Variants in FOXN3 observed in about 807,000 individuals in gnomAD.
FOXN3 encodes forkhead box N3, also known as forkhead box protein N3.
Under a neutral mutation model 38.4 loss-of-function variants are expected in FOXN3, and 7 were observed. The ratio of observed to expected loss-of-function variants is 0.18; its 90% CI spans 0.10 to 0.34. The LOEUF (loss-of-function observed/expected upper bound fraction) is 0.34, where lower values mean the gene tolerates loss of function less well. FOXN3 is among the 10% of genes least tolerant of loss of function. The pLI is 1.00. For missense variants in FOXN3, 456 were observed against 613.4 expected, an observed-to-expected ratio of 0.74 and a Z score of 2.71; for synonymous variants, 230 against 242.2, an observed-to-expected ratio of 0.95 and a Z score of 0.47.
chr14:89,385,542 T>C (rs949816803), intron 2 of FOXN3, among the ~76,000 whole-genome samples: 7 of 146,960 alleles, frequency 4.8e-5, no homozygotes, highest in Non-Finnish European at 1.0e-4. Flanking sequence ...GTGCCATGGT[T>C]CACGCCTGTA....
intron 2 of FOXN3, among the ~76,000 whole-genome samples, chr14:89,357,464 C>T (rs945927124): frequency 9.9e-5 from 15 of 152,012 alleles, no homozygotes; most frequent in African/African-American, 3.1e-4. Context: ...AAAAATTAGC[C>T]GGGCACGGTG....
At chr14:89,224,132 C>G (rs944228826) in intron 4 of FOXN3, among the ~76,000 whole-genome samples, 1 of 152,152 alleles carries the variant, frequency 6.6e-6, no homozygotes, top group African/African-American at 2.4e-5. Context: ...TAAAAGACCA[C>G]AAGGTGTAAC....
intron 4 of FOXN3, among the ~76,000 whole-genome samples, chr14:89,218,891 C>G (rs574259724): frequency 6.6e-6 from 1 of 152,202 alleles, no homozygotes; most frequent in Non-Finnish European, 1.5e-5. Context: ...ACGTAGGAAG[C>G]CTTTGTTTCT....
intron 4 of FOXN3, among the ~76,000 whole-genome samples, chr14:89,212,054 G>A (rs1884111332): frequency 6.6e-6 from 1 of 152,190 alleles, no homozygotes; most frequent in African/African-American, 2.4e-5. Flanking sequence ...CAGAAAAAAA[G>A]GGTAGGTGAT....
intron 1 of FOXN3, among the ~76,000 whole-genome samples, chr14:89,571,729 A>T (rs1895500845): frequency 6.6e-6 from 1 of 152,158 alleles, no homozygotes; most frequent in Non-Finnish European, 1.5e-5. Flanking sequence ...TTTACAAAAA[A>T]CAGATGGTAA....
intron 4 of FOXN3, among the ~76,000 whole-genome samples, chr14:89,193,421 GA>G (rs1888015847): frequency 1.3e-5 from 2 of 152,142 alleles, no homozygotes; most frequent in African/African-American, 4.8e-5. Flanking sequence ...AACCTTAAAG[GA>G]AAAGTATTCC....
intron 4 of FOXN3, among the ~76,000 whole-genome samples, chr14:89,203,185 T>C (rs1291256709): frequency 6.6e-6 from 1 of 151,794 alleles, no homozygotes; most frequent in Non-Finnish European, 1.5e-5. Context: ...TCCCCAGCAA[T>C]AGGTACTCCA....
chr14:89,263,517 C>T (rs1885873234), intron 4 of FOXN3: 1 of 152,166 alleles, frequency 6.6e-6, no homozygotes, highest in Non-Finnish European at 1.5e-5. Flanking sequence ...GATAAAAATT[C>T]TTGTTACTTT....
intron 3 of FOXN3, among the ~76,000 whole-genome samples, chr14:89,337,513 G>A (rs1195805130): frequency 3.9e-5 from 6 of 152,212 alleles, no homozygotes; most frequent in Admixed American, 2.6e-4. Context: ...TCAAGTGCCA[G>A]TTCCGCAGAA....
intron 4 of FOXN3, among the ~76,000 whole-genome samples, chr14:89,203,946 G>A (rs1332201640): frequency 1.3e-5 from 2 of 152,016 alleles, no homozygotes; most frequent in East Asian, 3.9e-4. Flanking sequence ...AAAGTCACAA[G>A]GCCACAAGCA....
chr14:89,451,687 G>C (rs1450006490), intron 1 of FOXN3, among the ~76,000 whole-genome samples: 2 of 152,176 alleles, frequency 1.3e-5, no homozygotes, highest in East Asian at 3.8e-4. Context: ...ACCCCTGCCT[G>C]CCAGTCGTAA....
At chr14:89,604,334 G>A (rs1048997239) in intron 1 of FOXN3, among the ~76,000 whole-genome samples, 1 of 151,794 alleles carries the variant, frequency 6.6e-6, no homozygotes, top group Admixed American at 6.6e-5. Flanking sequence ...CAATAGAGAG[G>A]AGAACCCGGC....
At chr14:89,433,396 C>A (rs528118846) in intron 1 of FOXN3, among the ~76,000 whole-genome samples, 1 of 152,160 alleles carries the variant, frequency 6.6e-6, no homozygotes, top group African/African-American at 2.4e-5. Flanking sequence ...GCAGAAGAAT[C>A]GCTTGAACTC....
At chr14:89,429,547 A>G (rs552718501) in intron 1 of FOXN3, among the ~76,000 whole-genome samples, 1 of 151,564 alleles carries the variant, frequency 6.6e-6, no homozygotes, top group East Asian at 1.9e-4. Context: ...TTTTTTTTGA[A>G]GCCTGAAAAA....
At chr14:89,505,833 C>T (rs963393528) in intron 1 of FOXN3, among the ~76,000 whole-genome samples, 1 of 151,294 alleles carries the variant, frequency 6.6e-6, no homozygotes, top group Non-Finnish European at 1.5e-5. Flanking sequence ...AAGTGAGGAG[C>T]GTCTCTGCCC....
At chr14:89,411,382 GAC>G (rs2140096692) in intron 2 of FOXN3, among the ~76,000 whole-genome samples, 1 of 152,288 alleles carries the variant, frequency 6.6e-6, no homozygotes, top group East Asian at 1.9e-4. Flanking sequence ...CAGATTTCAT[GAC>G]AGTCACCTGG....
chr14:89,294,009 C>T (rs1566949110), intron 3 of FOXN3, among the ~76,000 whole-genome samples: 1 of 152,178 alleles, frequency 6.6e-6, no homozygotes, highest in Non-Finnish European at 1.5e-5. Context: ...GGCAAATGCT[C>T]TAGTTCAAAA....
chr14:89,575,970 A>G (rs1394662999), intron 1 of FOXN3, among the ~76,000 whole-genome samples: 3 of 152,194 alleles, frequency 2.0e-5, no homozygotes, highest in Non-Finnish European at 4.4e-5. Context: ...GCTAAGCAGA[A>G]GAATCAGGTC....
At chr14:89,461,038 AGG>A (rs1329460625) in intron 1 of FOXN3, among the ~76,000 whole-genome samples, 8 of 88,716 alleles carry the variant, frequency 9.0e-5, no homozygotes, top group African/African-American at 1.5e-4. Flanking sequence ...TAAAAAAAAA[AGG>A]GGGGGGGAGG....
Sources: allele counts gnomAD v4.1 joint callset (sites outside exome capture counted in the v4.1 genomes callset), GRCh38; gene constraint gnomAD v4.1.1; transcripts MANE v1.5; gene names NCBI Gene and HGNC (gene_info 2026-07-23, HGNC 2026-07-21).